The following CHURC1 variants were observed in gnomAD, a reference collection of about 807,000 sequenced individuals.
CHURC1 encodes the protein protein Churchill.
In CHURC1, 12 loss-of-function variants were observed where a neutral mutation model predicts 15.4. The observed-to-expected ratio is 0.78, with a 90% CI of 0.50 to 1.27. The LOEUF is 1.27. CHURC1 is among the 50% of genes most tolerant of loss of function. CHURC1 has a pLI of 0.00. For missense variants in CHURC1, 132 were observed against 137.8 expected (o/e 0.96, Z 0.21); for synonymous variants, 42 against 47.5 (o/e 0.88, Z 0.48).
At chr14:64,927,190 C>CCT (rs1372229238) in intron 3 of CHURC1, among the ~76,000 whole-genome samples, 1 of 152,170 alleles carries the variant, frequency 6.6e-6, no homozygotes, top group Non-Finnish European at 1.5e-5. Flanking sequence ...AGTGCTTAGT[C>CCT]ACCTGTCAGA....
intron 1 of CHURC1, among the ~76,000 whole-genome samples, chr14:64,923,474 TC>T (rs1395086059): frequency 6.6e-6 from 1 of 152,192 alleles, no homozygotes; most frequent in Non-Finnish European, 1.5e-5. Context: ...AGGACTGACA[TC>T]TATAGAGCTG....
Position 64,924,089 on chromosome 14 carries a change from G to C in CHURC1, c.138G>C (p.Leu46Phe). Residue 46 changes from leucine to phenylalanine, a missense_variant, in exon 2 of 4, where the codon TTG becomes TTC. Transcript: ENST00000549115. ...RDFMLITNKSLKEEDGEEIVT... is the reference protein window; with the variant it reads ...RDFMLITNKSFKEEDGEEIVT... ...TTATGCTGATCACAAACAAATCCTTGAAAGAAGAAGATGGAGAAGAAATAG... is the reference window on the plus strand; with the variant it reads ...TTATGCTGATCACAAACAAATCCTTCAAAGAAGAAGATGGAGAAGAAATAG... 2 of 1,608,778 alleles carry C rather than the reference G, an allele frequency of 1.2e-6. No homozygotes were observed. Among genetic ancestry groups the C allele is most frequent in the East Asian group, 4.5e-5 (2 of 44,688 alleles).
At chr14:64,925,674 G>T (rs1467486246) in intron 2 of CHURC1, among the ~76,000 whole-genome samples, 2 of 120,030 alleles carry the variant, frequency 1.7e-5, no homozygotes, top group African/African-American at 7.4e-5. Context: ...TCCAGCCTGG[G>T]CAACAGAGTA....
rs1885258758 is a variant in CHURC1, at chr14:64,934,961, T to A, written c.*2731T>A. ...GATATTTTATCATTTTCTAGATTCT[T>A]ATGTGGATCTAATAACGACCACTTG... On this transcript the variant is annotated 3_prime_UTR_variant, in exon 4 of 4. Transcript: ENST00000549115. 1 of 984,030 alleles carries A rather than the reference T, an allele frequency of 1.0e-6. No individual in the cohort carries two copies. Among genetic ancestry groups the A allele is most frequent in the Non-Finnish European group, 1.2e-6 (1 of 828,762 alleles). 61.0% of individuals were successfully genotyped at this position (984,030 alleles called of 1,614,324 possible). A position where few individuals can be genotyped will look rare whatever the true frequency, so the allele number is the denominator to read the frequency against.
chr14:64,923,787 CTTTTT>C (rs60825476), intron 1 of CHURC1, among the ~76,000 whole-genome samples, 199 bp from the exon 2 acceptor site: 1 of 77,072 alleles, frequency 1.3e-5, no homozygotes, highest in African/African-American at 4.8e-5. Flanking sequence ...ACTTTAGTTG[CTTTTT>C]TTTTTTTTTT....
intron 3 of CHURC1, among the ~76,000 whole-genome samples, chr14:64,929,882 T>C (rs1045773218): frequency 2.0e-5 from 3 of 151,300 alleles, no homozygotes; most frequent in African/African-American, 7.3e-5. Flanking sequence ...ACATGGAAAA[T>C]ACATGATAAA....
At chr14:64,915,473 G>A (rs1251834135) in intron 1 of CHURC1, among the ~76,000 whole-genome samples, 1 of 152,184 alleles carries the variant, frequency 6.6e-6, no homozygotes, top group Non-Finnish European at 1.5e-5. Flanking sequence ...GAGAAAAGGT[G>A]GACATCATCT....
chr14:64,918,552 G>T (rs974808995), intron 1 of CHURC1, among the ~76,000 whole-genome samples: 33 of 152,214 alleles, frequency 2.2e-4, no homozygotes, highest in African/African-American at 7.2e-4. Flanking sequence ...GGTGGGCCGG[G>T]CCTAGTGGCT....
intron 3 of CHURC1, among the ~76,000 whole-genome samples, chr14:64,929,947 C>CCA (rs1555383899): frequency 9.3e-5 from 14 of 151,106 alleles, no homozygotes; most frequent in African/African-American, 2.7e-4. Flanking sequence ...AAGCCCCCCC[C>CCA]CACACACACA....
chr14:64,925,780 C>T (rs1884650243), intron 2 of CHURC1, among the ~76,000 whole-genome samples: 1 of 146,314 alleles, frequency 6.8e-6, no homozygotes, highest in African/African-American at 2.6e-5. Flanking sequence ...TCTTAAAGAA[C>T]TTTTGGTGGC....
At chr14:64,926,634 G>A (rs1003668559) in intron 3 of CHURC1, among the ~76,000 whole-genome samples, 1 of 152,106 alleles carries the variant, frequency 6.6e-6, no homozygotes, top group Non-Finnish European at 1.5e-5. Flanking sequence ...GTGATAAGGA[G>A]GTTTTCTTTG....
rs534125266 is a variant in CHURC1, at chr14:64,924,033, A to G, written c.82A>G (p.Thr28Ala). The change falls in exon 2 of 4, where the codon ACA becomes GCA. Residue 28 changes from threonine (T) to alanine (A), a missense_variant. By Grantham distance (58) the Thr-to-Ala change is moderately conservative. Coordinates refer to ENST00000549115, the MANE Select transcript of CHURC1 (RefSeq NM_001386928.1). ...GAATGGATCTTTCTTACTGAACTTTACAGGCTGTGCAGTGTGCAGTAAGCG... is the reference window on the plus strand; with the variant it reads ...GAATGGATCTTTCTTACTGAACTTTGCAGGCTGTGCAGTGTGCAGTAAGCG... ...LENGSFLLNF[T>A]GCAVCSKRDF... The G allele has an allele frequency of 1.9e-6, 3 of 1,586,074 alleles. No individual in the cohort carries two copies. Among genetic ancestry groups the G allele is most frequent in the South Asian group, 2.3e-5 (2 of 85,874 alleles).
intron 3 of CHURC1, among the ~76,000 whole-genome samples, chr14:64,928,049 C>T (rs1884843083): frequency 6.6e-6 from 1 of 152,124 alleles, no homozygotes; most frequent in South Asian, 2.1e-4. Context: ...TCCTGCTACT[C>T]TTTCATATGT....
chr14:64,923,957 T>C (rs1400209518), intron 1 of CHURC1, 34 bp from the exon 2 acceptor site: 1 of 1,487,922 alleles, frequency 6.7e-7, no homozygotes, highest in Non-Finnish European at 9.0e-7. Context: ...TTTTGAAATG[T>C]AAAGAAATTA....
At chr14:64,923,678 A>G (rs566950468) in intron 1 of CHURC1, among the ~76,000 whole-genome samples, 17 of 151,694 alleles carry the variant, frequency 1.1e-4, no homozygotes, top group Admixed American at 4.6e-4. Context: ...CATATTTTAT[A>G]TTAAGGTTTC....
chr14:64,932,576 G>A lies in CHURC1; in HGVS notation c.*346G>A. On this transcript the variant is annotated 3_prime_UTR_variant, in exon 4 of 4. Transcript: ENST00000549115. Reference sequence around the variant, plus strand: ...TAGAAAATGAACTGATTCTAGAACTGGGATATGAACTGTACAAGATGAGCC... The same window carrying A: ...TAGAAAATGAACTGATTCTAGAACTAGGATATGAACTGTACAAGATGAGCC... 1 of 528,876 alleles carries A rather than the reference G, an allele frequency of 1.9e-6. No homozygotes were observed. The allele number at this position is 528,876 out of a possible 1,614,324, so 32.8% of individuals were successfully genotyped here. A position where few individuals can be genotyped will look rare whatever the true frequency, so the allele number is the denominator to read the frequency against.
chr14:64,930,158 C>T (rs1050819695), intron 3 of CHURC1, among the ~76,000 whole-genome samples: 8 of 152,098 alleles, frequency 5.3e-5, no homozygotes, highest in South Asian at 2.1e-4. Flanking sequence ...GAGGTAATTC[C>T]GCCCACTCTG....
chr14:64,929,198 T>C (rs994971193), intron 3 of CHURC1, among the ~76,000 whole-genome samples: 1 of 152,178 alleles, frequency 6.6e-6, no homozygotes, highest in Non-Finnish European at 1.5e-5. Context: ...TTCCTTTCCC[T>C]TTTACTCCGT....
chr14:64,934,606 T>A lies in CHURC1; in HGVS notation c.*2376T>A. 1 of 985,424 alleles carries A rather than the reference T, an allele frequency of 1.0e-6. No homozygotes were observed. The highest frequency in any genetic ancestry group is 1.2e-6 in the Non-Finnish European group (1 of 829,934). The allele number at this position is 985,424 out of a possible 1,614,324, so 61.0% of individuals were successfully genotyped here. On this transcript the variant is annotated 3_prime_UTR_variant, in exon 4 of 4. Transcript: ENST00000549115. The stretch of plus-strand genomic sequence containing the variant: ...CAGTTGTTTTATTCCTGGAAAATGT[T>A]TTTCATTTTGCTGCAAATCTATATC...
Sources: allele counts gnomAD v4.1 joint callset (sites outside exome capture counted in the v4.1 genomes callset), GRCh38; gene constraint gnomAD v4.1.1; transcripts MANE v1.5; gene names NCBI Gene and HGNC (gene_info 2026-07-23, HGNC 2026-07-21).